ZNF532: variants seen among roughly 807,000 people sequenced by gnomAD.
The protein encoded by ZNF532 is zinc finger protein 532.
ZNF532 carries 22 observed loss-of-function variants against 89.3 expected under a neutral mutation model. The observed-to-expected ratio is 0.25, with a 90% confidence interval of 0.18 to 0.35. The LOEUF (loss-of-function observed/expected upper bound fraction) is 0.35, where lower values mean the gene tolerates loss of function less well. ZNF532 is among the 10% of genes least tolerant of loss of function. ZNF532 has a pLI of 1.00. For missense variants in ZNF532, 1,132 were observed against 1,643.4 expected (o/e 0.69, Z 5.38); for synonymous variants, 606 against 649.6 (o/e 0.93, Z 1.02).
At chr18:58,960,461 C>T (rs773396785) in intron 7 of ZNF532, among the ~76,000 whole-genome samples, 49 of 152,116 alleles carry the variant, frequency 3.2e-4, no homozygotes, top group Non-Finnish European at 5.7e-4. Context: ...TGGATAGATT[C>T]GGAAGATTTC....
intron 2 of ZNF532, among the ~76,000 whole-genome samples, chr18:58,900,923 T>A (rs2059560265): frequency 6.6e-6 from 1 of 152,156 alleles, no homozygotes; most frequent in Non-Finnish European, 1.5e-5. Flanking sequence ...CTGTCTCTAT[T>A]TGCCTATTTA....
chr18:58,925,624 A>C (rs1265651100), intron 3 of ZNF532, among the ~76,000 whole-genome samples: 2 of 152,176 alleles, frequency 1.3e-5, no homozygotes, highest in African/African-American at 4.8e-5. Context: ...TCGTGAAGTC[A>C]AGTATATCAG....
chr18:58,929,950 T>A (rs1383694697), intron 3 of ZNF532, among the ~76,000 whole-genome samples: 5 of 152,238 alleles, frequency 3.3e-5, no homozygotes, highest in Non-Finnish European at 5.9e-5. Flanking sequence ...GTGGAACTTC[T>A]TTTAATGAGG....
chr18:58,982,623 AC>A (rs968812388), intron 9 of ZNF532, among the ~76,000 whole-genome samples: 1 of 151,390 alleles, frequency 6.6e-6, no homozygotes, highest in Non-Finnish European at 1.5e-5. Context: ...CTCTGTCTCC[AC>A]CCCCCCAAAA....
chr18:58,922,083 A>C (rs561925460), intron 3 of ZNF532, among the ~76,000 whole-genome samples: 35 of 152,132 alleles, frequency 2.3e-4, no homozygotes, highest in African/African-American at 8.2e-4. Context: ...CTCCAGCCTC[A>C]GGTGACAGAG....
chr18:58,888,834 ATAT>A (rs2058616175), intron 2 of ZNF532, among the ~76,000 whole-genome samples: 1 of 59,388 alleles, frequency 1.7e-5, no homozygotes, highest in African/African-American at 9.2e-5. Context: ...TAAATTATAT[ATAT>A]AATTTATATA....
Position 58,922,866 on chromosome 18 carries a change from C to T in ZNF532, c.2346+2233C>T, listed in dbSNP as rs181865029. The stretch of plus-strand genomic sequence containing the variant: ...GAGAGCAAGGAAGGGCATGAGCAGG[C>T]GGGTAGGAATGTCCTTATTCCCTGC... On this transcript the variant is annotated intron_variant, in intron 3 of 9. Coordinates refer to ENST00000591808, the MANE Select transcript of ZNF532 (RefSeq NM_001375912.1). 2.6e-5 allele frequency among the ~76,000 whole-genome samples: 4 copies of T among 152,196 alleles called. No homozygotes were observed. The East Asian group carries it at 7.7e-4, about 29-fold the overall frequency.
In ZNF532 at chr18:58,911,024, A is replaced by G. The variant is rs550545386; in HGVS notation, c.-17-7247A>G. Among the ~76,000 whole-genome samples, 5 of 152,296 alleles carry G rather than the reference A, an allele frequency of 3.3e-5. No individual in the cohort carries two copies. The South Asian group carries it at 8.3e-4, about 25-fold the overall frequency. ...CTCCCAAAGTGTTGGAATCACAGTC[A>G]TGAGCTACCACGCCCAGCCCTGCCT... On this transcript the variant is annotated intron_variant, in intron 2 of 9. Coordinates refer to ENST00000591808, the MANE Select transcript of ZNF532 (RefSeq NM_001375912.1).
chr18:58,965,736 A>G (rs1364427634), intron 7 of ZNF532, among the ~76,000 whole-genome samples: 1 of 152,160 alleles, frequency 6.6e-6, no homozygotes, highest in Non-Finnish European at 1.5e-5. Flanking sequence ...TAACAGCATC[A>G]TGGTGTCGTT....
intron 3 of ZNF532, among the ~76,000 whole-genome samples, chr18:58,922,152 A>G (rs73439943): frequency 1.3e-5 from 2 of 152,090 alleles, no homozygotes. Flanking sequence ...AGGGAGCACT[A>G]GTTTGAGCTA....
chr18:58,944,362 C>T (rs73959540), intron 5 of ZNF532, among the ~76,000 whole-genome samples: 11,066 of 151,960 alleles, frequency 0.073, 720 homozygotes, highest in African/African-American at 0.17. Context: ...CTCCTCCTCT[C>T]TCTCTTCCTT....
At chr18:58,901,635 A>G (rs1187519965) in intron 2 of ZNF532, among the ~76,000 whole-genome samples, 4 of 152,178 alleles carry the variant, frequency 2.6e-5, no homozygotes, top group African/African-American at 9.7e-5. Context: ...CCAGTGAGGG[A>G]GAGAAGACAA....
At chr18:58,935,097 C>A (rs1442117461) in intron 4 of ZNF532, among the ~76,000 whole-genome samples, 1 of 133,600 alleles carries the variant, frequency 7.5e-6, no homozygotes, top group East Asian at 2.2e-4. Flanking sequence ...CTCCTCCCCA[C>A]TCCTCCTCCT....
intron 5 of ZNF532, among the ~76,000 whole-genome samples, chr18:58,940,958 A>ACACACACACACACACTCTCT (rs1209329621): frequency 3.8e-5 from 5 of 131,706 alleles, no homozygotes; most frequent in African/African-American, 1.4e-4. Context: ...ACACACACAC[A>ACACACACACACACACTCTCT]CTCTTTCTCT....
At chr18:58,928,754 G>A (rs1395290923) in intron 3 of ZNF532, among the ~76,000 whole-genome samples, 1 of 152,194 alleles carries the variant, frequency 6.6e-6, no homozygotes, top group African/African-American at 2.4e-5. Context: ...CCCAGTTAGG[G>A]GTTTGTATTC....
intron 8 of ZNF532, 28 bp from the exon 9 acceptor site, chr18:58,981,442 C>G (rs575498096): frequency 6.2e-7 from 1 of 1,603,104 alleles, no homozygotes; most frequent in Non-Finnish European, 8.5e-7. Flanking sequence ...TCAGCAAGTG[C>G]GTTATCTCCT....
At chr18:58,930,449 A>G (rs2146361793) in intron 3 of ZNF532, among the ~76,000 whole-genome samples, 1 of 152,208 alleles carries the variant, frequency 6.6e-6, no homozygotes, top group Middle Eastern at 3.4e-3. Flanking sequence ...CAACATAGTG[A>G]AACCCTGTCT....
chr18:58,984,337 C>T lies in ZNF532; in HGVS notation c.3777C>T (p.Gly1259=), dbSNP rs201292486. 3.5e-4 allele frequency: 559 copies of T among 1,611,964 alleles called. 1 individual carries two copies. The highest frequency in any genetic ancestry group is 9.8e-5 in the Non-Finnish European group (116 of 1,179,860). Residue 1259 remains glycine (G), a synonymous_variant, in exon 10 of 10, where the codon GGC becomes GGT. Transcript: ENST00000591808. ...KPSHEDESPD[G]AVSDRKCKVC... is the part of the protein sequence containing the mutation. ...GCCACGAGGATGAATCCCCTGATGGCGCCGTGTCAGACAGAAAGTGCAAAG... is the reference window on the plus strand; with the variant it reads ...GCCACGAGGATGAATCCCCTGATGGTGCCGTGTCAGACAGAAAGTGCAAAG...
chr18:58,890,563 T>A (rs948572457), intron 2 of ZNF532, among the ~76,000 whole-genome samples: 1 of 151,934 alleles, frequency 6.6e-6, no homozygotes, highest in Admixed American at 6.6e-5. Context: ...CAGGAATTCT[T>A]TTCCCTCTGT....
Sources: gnomAD v4.1 joint callset for allele counts (sites outside exome capture counted in the v4.1 genomes callset) on GRCh38, gnomAD v4.1.1 for gene constraint, MANE v1.5 for transcripts, NCBI Gene and HGNC (gene_info 2026-07-23, HGNC 2026-07-21) for gene names.